Variants in SLC36A2 observed in about 807,000 individuals in gnomAD.
SLC36A2 encodes solute carrier family 36 member 2.
In SLC36A2, 39 loss-of-function variants were observed where a neutral mutation model predicts 42.7. The observed-to-expected ratio is 0.91, with a 90% CI of 0.71 to 1.19. SLC36A2 has a LOEUF of 1.19. SLC36A2 is among the 50% of genes most tolerant of loss of function. The probability of loss-of-function intolerance (pLI) is 0.00; values close to 1 mark genes in which losing one functional copy is unlikely to be tolerated. For synonymous variants in SLC36A2, 237 were observed against 240.8 expected (o/e 0.98, Z 0.15); for missense variants, 590 against 613.7 (o/e 0.96, Z 0.41).
intron 4 of SLC36A2, among the ~76,000 whole-genome samples, chr5:151,340,547 G>A (rs1481966246): frequency 6.6e-6 from 1 of 152,060 alleles, no homozygotes; most frequent in Non-Finnish European, 1.5e-5. Flanking sequence ...ACATTTAATA[G>A]AAACAAAAAA....
At chr5:151,344,299 G>GTA in intron 1 of SLC36A2, 32 bp from the exon 2 acceptor site, 1 of 1,561,226 alleles carries the variant, frequency 6.4e-7, no homozygotes, top group Non-Finnish European at 8.8e-7. Flanking sequence ...TGAAGTATGG[G>GTA]TGTGTGGAGG....
At chr5:151,342,387 C>T (rs1027216751) in intron 4 of SLC36A2, among the ~76,000 whole-genome samples, 1 of 152,170 alleles carries the variant, frequency 6.6e-6, no homozygotes, top group African/African-American at 2.4e-5. Flanking sequence ...TTCTTCAGGA[C>T]TCCTTCCTGC....
At chr5:151,324,272 A>C (rs951507993) in intron 8 of SLC36A2, among the ~76,000 whole-genome samples, 8 of 152,122 alleles carry the variant, frequency 5.3e-5, no homozygotes, top group Non-Finnish European at 1.2e-4. Flanking sequence ...CCTCCTGAGT[A>C]GCTGAGACTA....
At chr5:151,342,672 C>T (rs973312490) in intron 4 of SLC36A2, among the ~76,000 whole-genome samples, 5 of 152,150 alleles carry the variant, frequency 3.3e-5, no homozygotes, top group Admixed American at 1.3e-4. Flanking sequence ...GAGTAAAAAA[C>T]ATTAAAGCTG....
chr5:151,340,937 A>G lies in SLC36A2; in HGVS notation c.441-1793T>C, dbSNP rs145129919. Among the ~76,000 whole-genome samples, 16 of 152,320 alleles carry G rather than the reference A, an allele frequency of 1.1e-4. No homozygotes were observed. The East Asian group carries it at 2.5e-3, about 24-fold the overall frequency. On this transcript the variant is annotated intron_variant, in intron 4 of 9. Coordinates refer to ENST00000335244, the MANE Select transcript of SLC36A2 (RefSeq NM_181776.3). ...AGTAGACATTTGTTGAATAATATAT[A>G]TTGAATGTAGATAGGATGTTGGCTA...
chr5:151,339,994 C>G (rs764881902), intron 4 of SLC36A2, among the ~76,000 whole-genome samples: 241 of 151,818 alleles, frequency 1.6e-3, no homozygotes, highest in Non-Finnish European at 2.5e-3. Flanking sequence ...AACCCAATAC[C>G]TAAGAGACAG....
rs1255681331 is a variant in SLC36A2, at chr5:151,339,121, A to G, written c.464T>C (p.Ile155Thr). 6.2e-7 allele frequency: 1 copy of G among 1,609,322 alleles called. No individual in the cohort carries two copies. Among genetic ancestry groups the G allele is most frequent in the Non-Finnish European group, 8.5e-7 (1 of 1,176,822 alleles). The change falls in exon 5 of 10, where the codon ATT becomes ACT. Residue 155 changes from isoleucine to threonine, a missense_variant. By Grantham distance (89) the Ile-to-Thr change is moderately conservative. Coordinates refer to ENST00000335244, the MANE Select transcript of SLC36A2 (RefSeq NM_181776.3). ...WGRHIVSFFL[I>T]ITQLGFCCVY... ...ACAGCAGAAGCCAAGTTGGGTGATAATAAGGAAGAAGCTCACGATATGCCT... is the reference window on the plus strand; with the variant it reads ...ACAGCAGAAGCCAAGTTGGGTGATAGTAAGGAAGAAGCTCACGATATGCCT...
chr5:151,320,921 A>T (rs535372477), intron 9 of SLC36A2, among the ~76,000 whole-genome samples: 3 of 152,336 alleles, frequency 2.0e-5, no homozygotes, highest in Admixed American at 1.3e-4. Flanking sequence ...CACTGGCTCT[A>T]GACTTACATG....
intron 1 of SLC36A2, among the ~76,000 whole-genome samples, chr5:151,345,610 G>A (rs865837085): frequency 1.3e-4 from 19 of 146,696 alleles, no homozygotes; most frequent in African/African-American, 4.3e-4. Context: ...CCACATCGCT[G>A]ACCGAGCACT....
chr5:151,328,436 A>G (rs1755907573), intron 7 of SLC36A2, among the ~76,000 whole-genome samples: 1 of 152,234 alleles, frequency 6.6e-6, no homozygotes, highest in East Asian at 1.9e-4. Flanking sequence ...TGCGGTGCAT[A>G]CAGACAGAAA....
Position 151,342,978 on chromosome 5 carries a change from T to A in SLC36A2, c.350A>T (p.Asn117Ile), listed in dbSNP as rs1438525601. ...GTCCCCATAGTCCATAAAGGGCTTG[T>A]TAAGCCTGCAGGAGAGAGTGCATAA... ...KCAQRFCKRL[N>I]KPFMDYGDTV... Residue 117 changes from asparagine (N) to isoleucine (I), a missense_variant, in exon 4 of 10, where the codon AAC (asparagine) becomes ATC (isoleucine). Transcript: ENST00000335244. 6.2e-7 allele frequency: 1 copy of A among 1,613,802 alleles called. No homozygotes were observed. Among genetic ancestry groups the A allele is most frequent in the African/African-American group, 1.3e-5 (1 of 75,006 alleles).
chr5:151,344,405 C>G (rs760271524), intron 1 of SLC36A2, 138 bp from the exon 2 acceptor site: 5 of 758,992 alleles, frequency 6.6e-6, no homozygotes, highest in Admixed American at 2.0e-5. Flanking sequence ...CCTGGCACAT[C>G]TGGGTCTCCT....
intron 7 of SLC36A2, among the ~76,000 whole-genome samples, chr5:151,330,225 T>C (rs1444403671): frequency 3.3e-5 from 5 of 152,204 alleles, no homozygotes; most frequent in Non-Finnish European, 7.3e-5. Flanking sequence ...AGAAATCTCG[T>C]AGAGGGCAAA....
chr5:151,342,897 T>A lies in SLC36A2; in HGVS notation c.431A>T (p.His144Leu), dbSNP rs1468770117. 6.2e-7 allele frequency: 1 copy of A among 1,613,978 alleles called. No homozygotes were observed. Among genetic ancestry groups the A allele is most frequent in the Non-Finnish European group, 8.5e-7 (1 of 1,179,960 alleles). ...AGCAAGAACAGGTTACCTTCCCCAG[T>A]GAGCGTGATTCTGGAGCCAGGCGTT... ...NPNAWLQNHAHWGRHIVSFFL... is the reference protein window; with the variant it reads ...NPNAWLQNHALWGRHIVSFFL... The change falls in exon 4 of 10, where the codon CAC becomes CTC. Residue 144 changes from histidine (H) to leucine (L), a missense_variant. By Grantham distance (99) the His-to-Leu change is moderately conservative (BLOSUM62 -3). Coordinates refer to ENST00000335244, the MANE Select transcript of SLC36A2 (RefSeq NM_181776.3).
chr5:151,345,740 A>C (rs977467922), intron 1 of SLC36A2, among the ~76,000 whole-genome samples: 24 of 152,230 alleles, frequency 1.6e-4, no homozygotes, highest in African/African-American at 5.5e-4. Flanking sequence ...TGGGCCACTC[A>C]ACCAACTTGA....
intron 9 of SLC36A2, among the ~76,000 whole-genome samples, chr5:151,317,592 G>T (rs1755540741): frequency 1.3e-5 from 2 of 152,046 alleles, no homozygotes; most frequent in South Asian, 4.2e-4. Context: ...ATTCAGCCAG[G>T]CATAGTGGCA....
chr5:151,332,930 G>T (rs1410236390), intron 7 of SLC36A2, among the ~76,000 whole-genome samples: 3 of 152,174 alleles, frequency 2.0e-5, no homozygotes, highest in African/African-American at 7.2e-5. Context: ...GGACACCATG[G>T]TTCTTCTTGA....
intron 9 of SLC36A2, 21 bp from the exon 10 acceptor site, chr5:151,317,109 A>G: frequency 6.2e-7 from 1 of 1,612,846 alleles, no homozygotes; most frequent in Non-Finnish European, 8.5e-7. Context: ...AGGATAGTGG[A>G]GAGATGGAGC....
rs555757702 is a variant in SLC36A2 at position 151,318,023 on chromosome 5, CAGTT to C, written c.1181-939_1181-936del. Among the ~76,000 whole-genome samples, 7 of 152,230 alleles carry C rather than the reference CAGTT, an allele frequency of 4.6e-5. No individual in the cohort carries two copies. The East Asian group carries it at 5.8e-4, about 13-fold the overall frequency. ...ACAGTTTCAGATAAAATTTGTTAAA[CAGTT>C]AGTAATTCCCATGATAATGCTAAGT... On this transcript the variant is annotated intron_variant, in intron 9 of 9. Transcript: ENST00000335244.
Sources: allele counts gnomAD v4.1 joint callset (sites outside exome capture counted in the v4.1 genomes callset), GRCh38; gene constraint gnomAD v4.1.1; transcripts MANE v1.5; gene names NCBI Gene and HGNC (gene_info 2026-07-23, HGNC 2026-07-21).